Variants in STX8 observed in about 807,000 individuals in gnomAD.
The protein encoded by STX8 is syntaxin-8.
In STX8, 23 loss-of-function variants were observed where a neutral mutation model predicts 37.5. The ratio of observed to expected loss-of-function variants is 0.61; its 90% confidence interval spans 0.44 to 0.87. STX8 has a LOEUF of 0.87. STX8 is among the 40% of genes least tolerant of loss of function. STX8 has a pLI of 0.00. For synonymous variants in STX8, 115 were observed against 99.1 expected (o/e 1.16, Z -0.95); for missense variants, 313 against 284.7 (o/e 1.10, Z -0.71).
At chr17:9,264,886 G>A (rs988251803) in intron 7 of STX8, among the ~76,000 whole-genome samples, 8 of 151,998 alleles carry the variant, frequency 5.3e-5, no homozygotes, top group African/African-American at 1.9e-4. Flanking sequence ...GGCTGAGGTG[G>A]GAGGATCTCT....
intron 4 of STX8, among the ~76,000 whole-genome samples, chr17:9,509,948 G>A (rs71358253): frequency 0.085 from 12,948 of 151,728 alleles, 698 homozygotes; most frequent in South Asian, 0.14. Flanking sequence ...GATATTCTAC[G>A]CAAACAAAAA....
At chr17:9,414,790 T>C (rs1913122293) in intron 6 of STX8, among the ~76,000 whole-genome samples, 2 of 143,368 alleles carry the variant, frequency 1.4e-5, no homozygotes, top group East Asian at 2.0e-4. Context: ...CTGCTTTTTT[T>C]TTTTTTTTTT....
intron 4 of STX8, among the ~76,000 whole-genome samples, chr17:9,536,226 T>C (rs946560468): frequency 1.3e-5 from 2 of 152,172 alleles, no homozygotes; most frequent in Non-Finnish European, 2.9e-5. Flanking sequence ...TCTTCTATTG[T>C]TATGCTTGGA....
chr17:9,392,565 C>A (rs1376323581), intron 6 of STX8, among the ~76,000 whole-genome samples: 2 of 152,144 alleles, frequency 1.3e-5, no homozygotes, highest in Non-Finnish European at 2.9e-5. Flanking sequence ...TGTGACTGCA[C>A]CACTACACTT....
chr17:9,510,414 A>G (rs9899988), intron 4 of STX8, among the ~76,000 whole-genome samples: 98,022 of 152,012 alleles, frequency 0.64, 33,067 homozygotes, highest in Middle Eastern at 0.84. Flanking sequence ...AGAAATTGAA[A>G]TCATACCAAG....
At chr17:9,347,146 A>T (rs1357369559) in intron 7 of STX8, among the ~76,000 whole-genome samples, 4 of 141,448 alleles carry the variant, frequency 2.8e-5, no homozygotes, top group South Asian at 2.2e-4. Flanking sequence ...ATAAAAAAAT[A>T]AAAAAAAAAA....
At position 9,324,124 on chromosome 17, in the gene STX8, T is replaced by TCA. The variant is rs1371111803; in HGVS notation, c.643+54427_643+54428insTG. On this transcript the variant is annotated intron_variant, in intron 7 of 7. Coordinates refer to ENST00000306357, the MANE Select transcript of STX8 (RefSeq NM_004853.3). ...CTCTCTCTCTGTCTCTCTCTCTCTC[T>TCA]CTCACACACACACACACACACACAC... is the stretch of plus-strand genomic sequence containing the variant. Among the ~76,000 whole-genome samples the TCA allele has an allele frequency of 1.5e-3, 208 of 134,254 alleles. 1 individual carries two copies. Among genetic ancestry groups the TCA allele is most frequent in the African/African-American group, 4.0e-3 (153 of 38,692 alleles). 88.1% of individuals were successfully genotyped at this position (134,254 alleles called of 152,430 possible).
intron 7 of STX8, among the ~76,000 whole-genome samples, chr17:9,321,876 G>A (rs1909590638): frequency 6.6e-6 from 1 of 152,180 alleles, no homozygotes; most frequent in African/African-American, 2.4e-5. Context: ...AGGAAAAATG[G>A]TTCAAACTGA....
At chr17:9,509,047 G>A (rs1012210779) in intron 4 of STX8, among the ~76,000 whole-genome samples, 1 of 152,192 alleles carries the variant, frequency 6.6e-6, no homozygotes, top group African/African-American at 2.4e-5. Flanking sequence ...AGGAGTTCAA[G>A]ACCAGCCTGG....
chr17:9,294,954 CT>C (rs1908460640), intron 7 of STX8, among the ~76,000 whole-genome samples: 1 of 152,230 alleles, frequency 6.6e-6, no homozygotes, highest in Admixed American at 6.5e-5. Context: ...AGGCAGCCAT[CT>C]GCAACCCAAG....
chr17:9,496,546 T>C (rs1205452277), intron 5 of STX8, among the ~76,000 whole-genome samples: 1 of 152,232 alleles, frequency 6.6e-6, no homozygotes, highest in Non-Finnish European at 1.5e-5. Flanking sequence ...TAAAAATGGA[T>C]GGATCATTGT....
chr17:9,323,464 G>C (rs952688680), intron 7 of STX8, among the ~76,000 whole-genome samples: 1 of 152,106 alleles, frequency 6.6e-6, no homozygotes, highest in Non-Finnish European at 1.5e-5. Flanking sequence ...CTTAAAACAT[G>C]TCTTTAATTC....
intron 7 of STX8, among the ~76,000 whole-genome samples, chr17:9,308,257 C>T (rs1909070210): frequency 1.3e-5 from 2 of 152,158 alleles, no homozygotes; most frequent in Admixed American, 1.3e-4. Flanking sequence ...TTCCTTCCTC[C>T]CGGGGATAGG....
At chr17:9,538,059 C>G (rs1337509580) in intron 4 of STX8, among the ~76,000 whole-genome samples, 3 of 152,122 alleles carry the variant, frequency 2.0e-5, no homozygotes, top group Admixed American at 2.0e-4. Context: ...GTTTGCTTTA[C>G]CACATTTTTA....
Position 9,483,286 on chromosome 17 carries a change from CAG to C in STX8, c.541+8541_541+8542del, listed in dbSNP as rs200924379. ...GGCTCATGGCTCCGTTCTCCACGTT[CAG>C]AGTCAGCAGCGTAGCATCCTGCTTC... is the stretch of plus-strand genomic sequence containing the variant. On this transcript the variant is annotated intron_variant, in intron 6 of 7. Coordinates refer to ENST00000306357, the MANE Select transcript of STX8 (RefSeq NM_004853.3). 6.7e-3 allele frequency among the ~76,000 whole-genome samples: 1,019 copies of C among 152,238 alleles called. 8 individuals are homozygous for C. The highest frequency in any genetic ancestry group is 0.027 in the Middle Eastern group (8 of 294).
intron 6 of STX8, among the ~76,000 whole-genome samples, chr17:9,458,699 G>C (rs1905260836): frequency 6.6e-6 from 1 of 152,198 alleles, no homozygotes; most frequent in Admixed American, 6.5e-5. Flanking sequence ...GCTGCTTAGA[G>C]GACTGACTGC....
At chr17:9,488,821 A>AGAGAGAGTGTGTGT (rs563653738) in intron 6 of STX8, among the ~76,000 whole-genome samples, 1 of 143,910 alleles carries the variant, frequency 6.9e-6, no homozygotes, top group Non-Finnish European at 1.5e-5. Flanking sequence ...AGAGAGAGAG[A>AGAGAGAGTGTGTGT]GTGTGTGTGT....
At chr17:9,269,382 G>T (rs536411992) in intron 7 of STX8, among the ~76,000 whole-genome samples, 1 of 152,310 alleles carries the variant, frequency 6.6e-6, no homozygotes, top group East Asian at 1.9e-4. Flanking sequence ...GTCCTGGAAA[G>T]AGGCAGATTG....
At chr17:9,536,947 C>T (rs982470473) in intron 4 of STX8, among the ~76,000 whole-genome samples, 11 of 152,182 alleles carry the variant, frequency 7.2e-5, no homozygotes, top group Middle Eastern at 6.8e-3. Flanking sequence ...GGGGTTTCAC[C>T]ATGTTGGCCA....
Sources: gnomAD v4.1 joint callset for allele counts (sites outside exome capture counted in the v4.1 genomes callset) on GRCh38, gnomAD v4.1.1 for gene constraint, MANE v1.5 for transcripts, NCBI Gene and HGNC (gene_info 2026-07-23, HGNC 2026-07-21) for gene names.